Variants in PLEKHG2 observed in about 807,000 individuals in gnomAD.
PLEKHG2 encodes pleckstrin homology and RhoGEF domain containing G2, also known as pleckstrin homology domain-containing family G member 2.
PLEKHG2 carries 71 observed loss-of-function variants against 104.4 expected under a neutral mutation model. The observed-to-expected ratio is 0.68, with a 90% confidence interval of 0.56 to 0.83. PLEKHG2 has a LOEUF of 0.83. Ranked by LOEUF, PLEKHG2 falls within the 40% of genes least tolerant of loss-of-function variation. The probability of loss-of-function intolerance (pLI) is 0.00; values close to 1 mark genes in which losing one functional copy is unlikely to be tolerated. For synonymous variants in PLEKHG2, 728 were observed against 737.0 expected (o/e 0.99, Z 0.20); for missense variants, 1,730 against 1,809.4 (o/e 0.96, Z 0.80).
At position 39,422,126 on chromosome 19, in the gene PLEKHG2, C is replaced by A. The variant is rs200990352; in HGVS notation, c.1515C>A (p.Ser505Arg). 6 of 1,608,478 alleles carry A rather than the reference C, an allele frequency of 3.7e-6. No individual in the cohort carries two copies. The African/African-American group carries it at 8.1e-5, about 22-fold the overall frequency. ...TTCCCTCCTCACAGCACGCTGGCAG[C>A]GAAGGGGAACTCTACCCTCCAGAAT... is the stretch of plus-strand genomic sequence containing the variant. ...NAKPGFKHAG[S>R]EGELYPPESQ... is the part of the protein sequence containing the mutation. Residue 505 changes from serine (S) to arginine (R), a missense_variant, in exon 17 of 19, where the codon AGC (serine) becomes AGA (arginine). Transcript: ENST00000425673.
Position 39,425,658 on chromosome 19 carries a change from T to C in PLEKHG2, c.*364T>C. On this transcript the variant is annotated 3_prime_UTR_variant, in exon 19 of 19. Transcript: ENST00000425673. ...GAATTATTGGAAAATGGACCCACTA[T>C]AACTTGGCGTGTGTGTGAACTGCTT... is the stretch of plus-strand genomic sequence containing the variant. 2.7e-6 allele frequency: 1 copy of C among 373,458 alleles called. No homozygotes were observed. The highest frequency in any genetic ancestry group is 4.7e-6 in the Non-Finnish European group (1 of 211,006). The allele number at this position is 373,458 out of a possible 1,614,324, so 23.1% of individuals were successfully genotyped here.
At position 39,416,206 on chromosome 19, in the gene PLEKHG2, C is replaced by A. The variant is rs1028597371; in HGVS notation, c.480-142C>A. 1.3e-6 allele frequency: 1 copy of A among 799,640 alleles called. No homozygotes were observed. The highest frequency in any genetic ancestry group is 2.1e-6 in the Non-Finnish European group (1 of 478,656). The allele number at this position is 799,640 out of a possible 1,614,324, so 49.5% of individuals were successfully genotyped here. Reference sequence around the variant, plus strand: ...TGTAGCCCTCAGAGGACCCTTCCTCCGGACATGACATCCCCTTAGGAGATG... The same window carrying A: ...TGTAGCCCTCAGAGGACCCTTCCTCAGGACATGACATCCCCTTAGGAGATG... On this transcript the variant is annotated intron_variant, in intron 4 of 18. Coordinates refer to ENST00000425673, the MANE Select transcript of PLEKHG2 (RefSeq NM_022835.3). This position sits in a 1 kb window ranked among gnomAD's most constrained non-coding sequence, Gnocchi z 4.5.
In PLEKHG2 at chr19:39,424,110, A is replaced by C; in HGVS notation, c.2977A>C (p.Ser993Arg). 1 of 1,614,056 alleles carries C rather than the reference A, an allele frequency of 6.2e-7. No individual in the cohort carries two copies. The highest frequency in any genetic ancestry group is 8.5e-7 in the Non-Finnish European group (1 of 1,179,978). Residue 993 changes from serine (S) to arginine (R), a missense_variant, in exon 19 of 19, where the codon AGT becomes CGT. Ser to Arg is a moderately radical substitution (Grantham distance 110). Coordinates refer to ENST00000425673, the MANE Select transcript of PLEKHG2 (RefSeq NM_022835.3). ...CACCACTCCTTTGCCTGAGCATAGA[A>C]GTCACATGGTTATACCAGCTCCATC... ...PATTPLPEHR[S>R]HMVIPAPSTA...
Position 39,423,227 on chromosome 19 carries a change from C to T in PLEKHG2, c.2173C>T (p.Pro725Ser). ...GSNPGKLGEPPSGGKAGPEED... is the reference protein window; with the variant it reads ...GSNPGKLGEPSSGGKAGPEED... ...CAATCCTGGGAAACTGGGAGAGCCG[C>T]CTTCAGGAGGCAAGGCAGGGCCAGA... The change falls in exon 18 of 19, where the codon CCT (proline) becomes TCT (serine). Residue 725 changes from proline (P) to serine (S), a missense_variant. Transcript: ENST00000425673. 3 of 1,613,414 alleles carry T rather than the reference C, an allele frequency of 1.9e-6. No homozygotes were observed. The Admixed American group carries it at 5.0e-5, about 27-fold the overall frequency.
Position 39,425,352 on chromosome 19 carries a change from G to C in PLEKHG2, c.*58G>C, listed in dbSNP as rs1004760527. On this transcript the variant is annotated 3_prime_UTR_variant, in exon 19 of 19. Transcript: ENST00000425673. ...TTCAGCCAGATGCCATAGACCCTCA[G>C]AACTTGACCTGGAAGTCCAGACACT... 9.7e-6 allele frequency: 15 copies of C among 1,547,406 alleles called. No individual in the cohort carries two copies. The highest frequency in any genetic ancestry group is 1.7e-4 in the Middle Eastern group (1 of 5,776).
intron 11 of PLEKHG2, among the ~76,000 whole-genome samples, chr19:39,419,447 A>G (rs947629264): frequency 6.6e-6 from 1 of 152,212 alleles, no homozygotes; most frequent in Non-Finnish European, 1.5e-5. Flanking sequence ...ACATTTTTTA[A>G]TTAGCTGGGG....
Position 39,422,204 on chromosome 19 carries a change from A to AC in PLEKHG2, c.1598dup (p.Thr534AsnfsTer11). 6.2e-7 allele frequency: 1 copy of AC among 1,613,626 alleles called. No individual in the cohort carries two copies. Among genetic ancestry groups the AC allele is most frequent in the South Asian group, 1.1e-5 (1 of 91,018 alleles). On this transcript the variant is annotated frameshift_variant, in exon 17 of 19. Coordinates refer to ENST00000425673, the MANE Select transcript of PLEKHG2 (RefSeq NM_022835.3). LOFTEE classifies it high-confidence loss of function. ...CCCCTGAGGACCTGGAGGATGCTGG[A>AC]CCCCCAACACTGGACCCCTCTGGGA...
At position 39,423,905 on chromosome 19, in the gene PLEKHG2, G is replaced by A. The variant is rs1036781681; in HGVS notation, c.2772G>A (p.Lys924=). The change falls in exon 19 of 19, where the codon AAG becomes AAA. Residue 924 remains lysine, a synonymous_variant. Transcript: ENST00000425673. ...GQGLHVSNLP[K]QDLPGIHVSA... ...GTCTACATGTTTCCAATTTGCCTAA[G>A]CAAGACCTTCCGGGCATCCACGTTT... 1 of 1,614,088 alleles carries A rather than the reference G, an allele frequency of 6.2e-7. No individual in the cohort carries two copies. Among genetic ancestry groups the A allele is most frequent in the African/African-American group, 1.3e-5 (1 of 74,940 alleles).
At position 39,412,849 on chromosome 19, in the gene PLEKHG2, G is replaced by GGAGC. The variant is rs1373352166; in HGVS notation, c.-585_-582dup. Reference sequence around the variant, plus strand: ...ATCCAGGTGCGCAGCGCCCCCTCCTGGAGCAGCCGGGAGCCCGGACGTCAC... The same window carrying GGAGC: ...ATCCAGGTGCGCAGCGCCCCCTCCTGGAGCGAGCAGCCGGGAGCCCGGACGTCAC... On this transcript the variant is annotated 5_prime_UTR_variant, in exon 1 of 19. Coordinates refer to ENST00000425673, the MANE Select transcript of PLEKHG2 (RefSeq NM_022835.3). 6.6e-6 allele frequency: 1 copy of GGAGC among 152,156 alleles called. No individual in the cohort carries two copies. The highest frequency in any genetic ancestry group is 1.5e-5 in the Non-Finnish European group (1 of 68,070). The allele number at this position is 152,156 out of a possible 1,614,324, so 9.4% of individuals were successfully genotyped here. A position where few individuals can be genotyped will look rare whatever the true frequency, so the allele number is the denominator to read the frequency against.
Position 39,420,782 on chromosome 19 carries a change from C to T in PLEKHG2, c.1329C>T (p.Pro443=), listed in dbSNP as rs748169384. The T allele has an allele frequency of 5.0e-6, 8 of 1,614,182 alleles. No individual in the cohort carries two copies. The highest frequency in any genetic ancestry group is 3.3e-5 in the Admixed American group (2 of 60,032). The change falls in exon 13 of 19, where the codon CCC becomes CCT. Residue 443 remains proline (P), a synonymous_variant. Coordinates refer to ENST00000425673, the MANE Select transcript of PLEKHG2 (RefSeq NM_022835.3). ...CAPKSKPVLE[P]LTPPLGSPRP... ...CCAAAAGTAAGCCTGTCCTAGAGCC[C>T]CTGACACCCCCACTTGGGTCTCCTC...
At position 39,428,294 on chromosome 19, in the gene PLEKHG2, C is replaced by G. The variant is rs994056875; in HGVS notation, c.*3000C>G. The G allele has an allele frequency of 5.9e-5, 9 of 152,290 alleles. No individual in the cohort carries two copies. The highest frequency in any genetic ancestry group is 5.9e-4 in the Admixed American group (9 of 15,290). 9.4% of individuals were successfully genotyped at this position (152,290 alleles called of 1,614,324 possible). On this transcript the variant is annotated 3_prime_UTR_variant, in exon 19 of 19. Coordinates refer to ENST00000425673, the MANE Select transcript of PLEKHG2 (RefSeq NM_022835.3). ...GTGGGGATACATGAGAGAACACTGC[C>G]TTGCCCGCATGAGGCTTGTGGCCTG...
In PLEKHG2 at chr19:39,423,672, GT is replaced by G. The variant is rs1233263749; in HGVS notation, c.2599+21del. On this transcript the variant is annotated intron_variant, in intron 18 of 18. Transcript: ENST00000425673. ...GAGCCAGGTGAGGTCCGGGTACGTG[GT>G]TGGCAGAGGTGGTCCCCGCTGGAGT... 5 of 1,556,558 alleles carry G rather than the reference GT, an allele frequency of 3.2e-6. No homozygotes were observed. The South Asian group carries it at 6.2e-5, about 19-fold the overall frequency.
chr19:39,423,685 GT>G (rs767197449), intron 18 of PLEKHG2, 32 bp downstream of exon 18: 2 of 1,562,968 alleles, frequency 1.3e-6, no homozygotes, highest in Non-Finnish European at 1.7e-6. Flanking sequence ...GGCAGAGGTG[GT>G]CCCCGCTGGA....
rs148842247 is a variant in PLEKHG2 at position 39,424,653 on chromosome 19, G to C, written c.3520G>C (p.Gly1174Arg). Residue 1174 changes from glycine to arginine, a missense_variant, in exon 19 of 19, where the codon GGT becomes CGT. Gly to Arg is a moderately radical substitution (Grantham distance 125). Transcript: ENST00000425673. ...PKQGSLPDIQ[G>R]PAAAPPLPEP... is the part of the protein sequence containing the mutation. Reference sequence around the variant, plus strand: ...GCAGGGAAGCCTCCCAGACATCCAGGGTCCAGCGGCTGCACCTCCACTTCC... The same window carrying C: ...GCAGGGAAGCCTCCCAGACATCCAGCGTCCAGCGGCTGCACCTCCACTTCC... 7 of 1,614,098 alleles carry C rather than the reference G, an allele frequency of 4.3e-6. No homozygotes were observed. The East Asian group carries it at 1.6e-4, about 36-fold the overall frequency.
rs570674927 is a variant in PLEKHG2, at chr19:39,424,239, A to T, written c.3106A>T (p.Thr1036Ser). 1.9e-6 allele frequency: 3 copies of T among 1,613,768 alleles called. No individual in the cohort carries two copies. Among genetic ancestry groups the T allele is most frequent in the Non-Finnish European group, 2.5e-6 (3 of 1,179,944 alleles). Residue 1036 changes from threonine (T) to serine (S), a missense_variant, in exon 19 of 19, where the codon ACC becomes TCC. Coordinates refer to ENST00000425673, the MANE Select transcript of PLEKHG2 (RefSeq NM_022835.3). The part of the protein sequence containing the change: ...ICSDFTVSVT[T>S]PVPKQEGHLD... ...TTCTGATTTCACAGTTTCAGTCACC[A>T]CCCCTGTGCCCAAGCAAGAAGGTCA...
chr19:39,424,204 A>T lies in PLEKHG2; in HGVS notation c.3071A>T (p.Lys1024Met). 6.2e-7 allele frequency: 1 copy of T among 1,614,170 alleles called. No individual in the cohort carries two copies. The highest frequency in any genetic ancestry group is 8.5e-7 in the Non-Finnish European group (1 of 1,180,024). Residue 1024 changes from lysine (K) to methionine (M), a missense_variant, in exon 19 of 19, where the codon AAG becomes ATG. Transcript: ENST00000425673. The part of the protein sequence containing the change: ...IHVPTTPALP[K>M]EICSDFTVSV... Reference sequence around the variant, plus strand: ...GTTCCCACCACTCCAGCTTTGCCCAAGGAGATTTGTTCTGATTTCACAGTT... The same window carrying T: ...GTTCCCACCACTCCAGCTTTGCCCATGGAGATTTGTTCTGATTTCACAGTT...
In PLEKHG2 at chr19:39,425,563, A is replaced by G; in HGVS notation, c.*269A>G. ...GGAGGCTGTGGGAGATGACAAGACA[A>G]TGAATGGGAAGGTCTGACACAGAAC... On this transcript the variant is annotated 3_prime_UTR_variant, in exon 19 of 19. Coordinates refer to ENST00000425673, the MANE Select transcript of PLEKHG2 (RefSeq NM_022835.3). 4.0e-6 allele frequency: 2 copies of G among 497,524 alleles called. No individual in the cohort carries two copies. The highest frequency in any genetic ancestry group is 3.4e-6 in the Non-Finnish European group (1 of 297,376). The allele number at this position is 497,524 out of a possible 1,614,324, so 30.8% of individuals were successfully genotyped here.
chr19:39,425,160 G>A lies in PLEKHG2; in HGVS notation c.4027G>A (p.Val1343Met), dbSNP rs757528167. ...CTATGCCACGACGGTTAACATCCAC[G>A]TGGGCGGGGGTGGGCGGCTGCGGCC... ...LSYATTVNIH[V>M]GGGGRLRPAK... is the part of the protein sequence containing the mutation. The change falls in exon 19 of 19, where the codon GTG becomes ATG. Residue 1343 changes from valine to methionine, a missense_variant. Physicochemically the swap from Val to Met is conservative, Grantham distance 21. Transcript: ENST00000425673. The A allele has an allele frequency of 2.3e-5, 36 of 1,594,444 alleles. No individual in the cohort carries two copies. The highest frequency in any genetic ancestry group is 2.7e-5 in the African/African-American group (2 of 74,034).
chr19:39,423,688 C>T (rs1480468422), intron 18 of PLEKHG2, 35 bp downstream of exon 18: 1 of 1,563,944 alleles, frequency 6.4e-7, no homozygotes, highest in Non-Finnish European at 8.7e-7. Context: ...AGAGGTGGTC[C>T]CCGCTGGAGT....
Sources: gnomAD v4.1 joint callset for allele counts (sites outside exome capture counted in the v4.1 genomes callset) on GRCh38, gnomAD v4.1.1 for gene constraint, Gnocchi (gnomAD v3.1) non-coding constraint, MANE v1.5 for transcripts, NCBI Gene and HGNC (gene_info 2026-07-23, HGNC 2026-07-21) for gene names.